FBXO31: variants seen among roughly 807,000 people sequenced by gnomAD.
FBXO31 encodes F-box protein 31.
Under a neutral mutation model 54.4 loss-of-function variants are expected in FBXO31, and 24 were observed. The ratio of observed to expected loss-of-function variants is 0.44; its 90% confidence interval spans 0.32 to 0.62. The LOEUF (loss-of-function observed/expected upper bound fraction) is 0.62. Among genes scored for constraint, FBXO31 ranks in the 20% least tolerant of loss-of-function variants. FBXO31 has a pLI of 0.05. For missense variants in FBXO31, 665 were observed against 787.1 expected (o/e 0.84, Z 1.86); for synonymous variants, 388 against 335.6 (o/e 1.16, Z -1.71).
chr16:87,354,129 A>C (rs1181237579), intron 2 of FBXO31, among the ~76,000 whole-genome samples: 2 of 152,246 alleles, frequency 1.3e-5, no homozygotes, highest in African/African-American at 4.8e-5. Flanking sequence ...TATCATTGTT[A>C]ATATCTGAGT....
In FBXO31 at chr16:87,347,258, A is replaced by C. The variant is rs534728041; in HGVS notation, c.413-8T>G. ...GTCTATATCGGTGAAGCACTACAGG[A>C]GGAGAGAAAGAGCAAGTCTCTGTGT... On this transcript the variant is annotated splice_region_variant and splice_polypyrimidine_tract_variant and intron_variant, in intron 2 of 8. Transcript: ENST00000311635. 74 of 1,613,656 alleles carry C rather than the reference A, an allele frequency of 4.6e-5. 2 individuals are homozygous for C. In the South Asian group the frequency reaches 7.6e-4, roughly 17 times the overall value.
In FBXO31 at chr16:87,330,961, A is replaced by G; in HGVS notation, c.*327T>C. The G allele has an allele frequency of 3.4e-6, 1 of 294,540 alleles. No individual in the cohort carries two copies. The highest frequency in any genetic ancestry group is 6.6e-6 in the Non-Finnish European group (1 of 152,004). The allele number at this position is 294,540 out of a possible 1,614,324, so 18.2% of individuals were successfully genotyped here. ...TCAGGAGGGTCCTGCTTCCCGAGAA[A>G]ACCACCAGCCAGCCCAGGGTGCGGG... On this transcript the variant is annotated 3_prime_UTR_variant, in exon 9 of 9. Transcript: ENST00000311635.
rs541348352 is a variant in FBXO31 at position 87,328,736 on chromosome 16, T to G, written c.*2552A>C. ...GGCAGCCCCACTCCAGAGAGCAGAC[T>G]TGATCCTGCCCCAGAGTGAGACAGC... On this transcript the variant is annotated 3_prime_UTR_variant, in exon 9 of 9. Transcript: ENST00000311635. The G allele has an allele frequency of 1.3e-5, 2 of 152,380 alleles. No individual in the cohort carries two copies. Among genetic ancestry groups the G allele is most frequent in the East Asian group, 3.9e-4 (2 of 5,182 alleles). The allele number at this position is 152,380 out of a possible 1,614,324, so 9.4% of individuals were successfully genotyped here. A position where few individuals can be genotyped will look rare whatever the true frequency, so the allele number is the denominator to read the frequency against.
chr16:87,354,034 G>A (rs1173789060), intron 2 of FBXO31, among the ~76,000 whole-genome samples: 2 of 152,348 alleles, frequency 1.3e-5, no homozygotes, highest in East Asian at 1.9e-4. Context: ...CGCCTGCTCC[G>A]CGTTCACCTC....
At chr16:87,342,477 G>A (rs183908417) in intron 5 of FBXO31, among the ~76,000 whole-genome samples, 64 of 152,272 alleles carry the variant, frequency 4.2e-4, no homozygotes, top group African/African-American at 1.4e-3. Flanking sequence ...GGCACGATCC[G>A]GAAGCCTCCA....
intron 1 of FBXO31, among the ~76,000 whole-genome samples, chr16:87,369,786 CTT>C (rs948347852): frequency 6.6e-6 from 1 of 152,144 alleles, no homozygotes; most frequent in African/African-American, 2.4e-5. Flanking sequence ...ATAAATTTCT[CTT>C]GTTTTTGAGA....
chr16:87,382,279 G>A (rs77016161), intron 1 of FBXO31, among the ~76,000 whole-genome samples: 1,998 of 152,286 alleles, frequency 0.013, 44 homozygotes, highest in African/African-American at 0.045. Flanking sequence ...ATCCTTTAGG[G>A]AAGAAGGTAC....
intron 2 of FBXO31, among the ~76,000 whole-genome samples, chr16:87,351,660 G>A (rs1209258079): frequency 6.6e-6 from 1 of 152,178 alleles, no homozygotes; most frequent in East Asian, 1.9e-4. Flanking sequence ...CCTGAGGTCA[G>A]GAGTTTAAGA....
Position 87,336,280 on chromosome 16 carries a change from A to G in FBXO31, c.733-16T>C. 1 of 1,611,300 alleles carries G rather than the reference A, an allele frequency of 6.2e-7. No individual in the cohort carries two copies. The highest frequency in any genetic ancestry group is 8.5e-7 in the Non-Finnish European group (1 of 1,177,870). On this transcript the variant is annotated splice_polypyrimidine_tract_variant and intron_variant, in intron 5 of 8. Coordinates refer to ENST00000311635, the MANE Select transcript of FBXO31 (RefSeq NM_024735.5). The surrounding 1 kb of genome is among the most constrained non-coding windows in gnomAD (Gnocchi z 6.5). Reference sequence around the variant, plus strand: ...TCCGAAACTCCTTCCAAAAGAACACAGGTCATGAATATCCATATGACAGGA... The same window carrying G: ...TCCGAAACTCCTTCCAAAAGAACACGGGTCATGAATATCCATATGACAGGA...
At chr16:87,356,324 C>A (rs149684673) in intron 2 of FBXO31, among the ~76,000 whole-genome samples, 1 of 152,278 alleles carries the variant, frequency 6.6e-6, no homozygotes, top group African/African-American at 2.4e-5. Flanking sequence ...ACTAAGTCGA[C>A]TGTTCCCTCC....
At chr16:87,384,563 G>A (rs1011240160), upstream of FBXO31, among the ~76,000 whole-genome samples, 1 of 152,226 alleles carries the variant, frequency 6.6e-6, no homozygotes, top group African/African-American at 2.4e-5. Context: ...GCTGAGCGGG[G>A]TCGTCTCCCA....
intron 1 of FBXO31, among the ~76,000 whole-genome samples, chr16:87,381,039 AAAGCAC>A: frequency 6.6e-6 from 1 of 152,216 alleles, no homozygotes; most frequent in Non-Finnish European, 1.5e-5. Flanking sequence ...GAGAAACTTC[AAAGCAC>A]AACGACACAT....
At chr16:87,331,557 C>A in intron 8 of FBXO31, 47 bp from the exon 9 acceptor site, 2 of 1,467,308 alleles carry the variant, frequency 1.4e-6, no homozygotes, top group South Asian at 2.4e-5. Context: ...AGGGCTGAGT[C>A]AAATGCACGC....
chr16:87,352,587 G>A (rs929863284), intron 2 of FBXO31, among the ~76,000 whole-genome samples: 6 of 152,198 alleles, frequency 3.9e-5, no homozygotes, highest in Admixed American at 1.3e-4. Flanking sequence ...AGACACGACA[G>A]GTGTGGGAAG....
intron 1 of FBXO31, among the ~76,000 whole-genome samples, chr16:87,371,986 G>T (rs903177861): frequency 6.6e-6 from 1 of 152,060 alleles, no homozygotes; most frequent in Non-Finnish European, 1.5e-5. Context: ...CACTTTAGGA[G>T]GCCGAGGTGG....
At chr16:87,357,325 TTC>T (rs1290656942) in intron 2 of FBXO31, among the ~76,000 whole-genome samples, 16 of 146,866 alleles carry the variant, frequency 1.1e-4, no homozygotes, top group Non-Finnish European at 6.0e-5. Context: ...AAGAATTCGG[TTC>T]TTTTTTTTTT....
chr16:87,342,211 T>C (rs78650436), intron 5 of FBXO31, among the ~76,000 whole-genome samples: 23,320 of 152,070 alleles, frequency 0.15, 2,182 homozygotes, highest in South Asian at 0.35. Flanking sequence ...CATGCCACCA[T>C]ACCCAGCTAA....
Position 87,383,605 on chromosome 16 carries a change from C to T in FBXO31, c.140G>A (p.Ser47Asn). ...GCACAAGCCGCCCCCGACCCCGGCG[C>T]TAGCCTCGATGCGCTCCTCCTCGGG... Reference protein sequence around the residue: ...TDPEEERIEASAGVGGGLCAG... With the variant: ...TDPEEERIEANAGVGGGLCAG... The change falls in exon 1 of 9, where the codon AGC (serine) becomes AAC (asparagine). Residue 47 changes from serine (S) to asparagine (N), a missense_variant. Physicochemically the swap from Ser to Asn is conservative, Grantham distance 46. Around this residue, in one of 4 missense-constraint regions of FBXO31, gnomAD observed 195 missense variants for 174.8 expected, o/e 1.12. Coordinates refer to ENST00000311635, the MANE Select transcript of FBXO31 (RefSeq NM_024735.5). The surrounding 1 kb of genome is among the most constrained non-coding windows in gnomAD (Gnocchi z 4.9). 2 of 1,470,656 alleles carry T rather than the reference C, an allele frequency of 1.4e-6. No individual in the cohort carries two copies. The highest frequency in any genetic ancestry group is 5.1e-5 in the Admixed American group (2 of 39,568). 91.1% of individuals were successfully genotyped at this position (1,470,656 alleles called of 1,614,324 possible).
intron 1 of FBXO31, among the ~76,000 whole-genome samples, chr16:87,362,255 C>T (rs543391701): frequency 6.6e-6 from 1 of 152,084 alleles, no homozygotes; most frequent in African/African-American, 2.4e-5. Flanking sequence ...TTTTATTTAA[C>T]TCAGCATAAC....
Sources: allele counts gnomAD v4.1 joint callset (sites outside exome capture counted in the v4.1 genomes callset), GRCh38; gene constraint gnomAD v4.1.1; regional missense constraint gnomAD v4.1.1; non-coding constraint Gnocchi (gnomAD v3.1); transcripts MANE v1.5; gene names NCBI Gene and HGNC (gene_info 2026-07-23, HGNC 2026-07-21).